NOC3L: variants seen among roughly 807,000 people sequenced by gnomAD.
NOC3L encodes the protein NOC3 like DNA replication regulator.
NOC3L carries 85 observed loss-of-function variants against 102.5 expected under a neutral mutation model. The ratio of observed to expected loss-of-function variants is 0.83; its 90% CI spans 0.70 to 0.99. The LOEUF (loss-of-function observed/expected upper bound fraction) is 0.99. NOC3L is among the 50% of genes least tolerant of loss of function. NOC3L has a pLI of 0.00. For missense variants in NOC3L, 878 were observed against 914.9 expected (o/e 0.96, Z 0.52); for synonymous variants, 303 against 309.4 (o/e 0.98, Z 0.22).
rs74153311 is a variant in NOC3L, at chr10:94,356,425, G to C, written c.565+110C>G. The C allele has an allele frequency of 2.0e-5, 14 of 705,254 alleles. No homozygotes were observed. The South Asian group carries it at 2.3e-4, about 11-fold the overall frequency. The allele number at this position is 705,254 out of a possible 1,614,324, so 43.7% of individuals were successfully genotyped here. The stretch of plus-strand genomic sequence containing the variant: ...AAAATGTTCAAAGTGACCTTGAAAT[G>C]AGCAGTACTCCAAAATGTACCTTCC... On this transcript the variant is annotated intron_variant, in intron 5 of 20. Transcript: ENST00000371361.
intron 13 of NOC3L, among the ~76,000 whole-genome samples, chr10:94,342,640 T>G (rs1459815357): frequency 6.6e-6 from 1 of 150,494 alleles, no homozygotes; most frequent in Non-Finnish European, 1.5e-5. Context: ...GTACAATATA[T>G]CTATAAAATG....
chr10:94,328,493 C>T (rs1173794814), downstream of NOC3L: 1 of 152,172 alleles, frequency 6.6e-6, no homozygotes, highest in East Asian at 1.9e-4. Flanking sequence ...AGGGGCCATA[C>T]AAAAACAGGT....
chr10:94,356,182 T>C (rs770374860), intron 5 of NOC3L, among the ~76,000 whole-genome samples: 3 of 152,196 alleles, frequency 2.0e-5, no homozygotes, highest in Non-Finnish European at 2.9e-5. Flanking sequence ...AATGACTTCA[T>C]ACTACAGAAT....
chr10:94,357,037 A>C, intron 4 of NOC3L, 137 bp downstream of exon 4: 1 of 600,920 alleles, frequency 1.7e-6, no homozygotes, highest in Non-Finnish European at 2.7e-6. Context: ...CCAAATCATC[A>C]AGCTTGCTAT....
the NOC3L span, among the ~76,000 whole-genome samples, chr10:94,322,527 G>A: frequency 6.6e-6 from 1 of 152,156 alleles, no homozygotes; most frequent in Non-Finnish European, 1.5e-5. Flanking sequence ...GTTCACGCCT[G>A]TAATCCCAAC....
chr10:94,337,753 G>C (rs769173753), intron 19 of NOC3L, 24 bp downstream of exon 19: 16 of 1,508,482 alleles, frequency 1.1e-5, no homozygotes, highest in Non-Finnish European at 1.5e-5. Flanking sequence ...TGTAGTTTTA[G>C]AATAAGGCAA....
At chr10:94,321,850 T>C in the NOC3L span, 3 of 1,431,346 alleles carry the variant, frequency 2.1e-6, no homozygotes, top group African/African-American at 4.2e-5. Flanking sequence ...TTGTCTTTCT[T>C]TATTCTGCAT....
In NOC3L at chr10:94,361,783, A is replaced by C. The variant is rs774923558; in HGVS notation, c.99T>G (p.Phe33Leu). 2.5e-6 allele frequency: 4 copies of C among 1,611,264 alleles called. No homozygotes were observed. Among genetic ancestry groups the C allele is most frequent in the Non-Finnish European group, 3.4e-6 (4 of 1,178,316 alleles). ...KLENKLKNKQ[F>L]KQQSTLKKYR... is the part of the protein sequence containing the mutation. ...ACTTCTTGAGAGTGCTTTGTTGTTT[A>C]AACTGCTTATTTTTTAGCTTGTTTT... Residue 33 changes from phenylalanine to leucine, a missense_variant, in exon 2 of 21, where the codon TTT (phenylalanine) becomes TTG (leucine). Transcript: ENST00000371361.
intron 13 of NOC3L, 64 bp downstream of exon 13, chr10:94,344,351 G>A (rs2054319629): frequency 6.5e-6 from 7 of 1,071,954 alleles, no homozygotes; most frequent in South Asian, 3.0e-5. Flanking sequence ...GGGAACTCTC[G>A]AAAATTCTTT....
chr10:94,331,742 T>C (rs1223091081), downstream of NOC3L: 1 of 152,240 alleles, frequency 6.6e-6, no homozygotes, highest in African/African-American at 2.4e-5. Context: ...TTATGTGTTC[T>C]CTGCCATCCT....
Position 94,334,623 on chromosome 10 carries a change from A to G in NOC3L, c.2274+11T>C. 6.3e-7 allele frequency: 1 copy of G among 1,598,682 alleles called. No individual in the cohort carries two copies. On this transcript the variant is annotated intron_variant, in intron 20 of 20. Coordinates refer to ENST00000371361, the MANE Select transcript of NOC3L (RefSeq NM_022451.11). ...ATTTCTTCCTTTAAAAAAATGAAAA[A>G]TATCCCATACCTTTATTTTGGGGTT...
At chr10:94,335,244 G>A (rs1175372251) in intron 19 of NOC3L, among the ~76,000 whole-genome samples, 4 of 152,124 alleles carry the variant, frequency 2.6e-5, no homozygotes, top group Non-Finnish European at 5.9e-5. Context: ...GCCTACGAAG[G>A]TAGCAATTAG....
At chr10:94,353,329 T>C (rs956876775) in intron 6 of NOC3L, among the ~76,000 whole-genome samples, 19 of 152,258 alleles carry the variant, frequency 1.2e-4, no homozygotes, top group Admixed American at 1.2e-3. Flanking sequence ...TGGCTTATAG[T>C]TCTGCAGGCT....
At position 94,350,257 on chromosome 10, in the gene NOC3L, A is replaced by G. The variant is rs142305111; in HGVS notation, c.984T>C (p.Asn328=). 518 of 1,614,162 alleles carry G rather than the reference A, an allele frequency of 3.2e-4. 2 individuals carry two copies. The highest frequency in any genetic ancestry group is 2.3e-3 in the Middle Eastern group (14 of 6,062). The change falls in exon 9 of 21, where the codon AAT becomes AAC. Residue 328 remains asparagine, a synonymous_variant. Transcript: ENST00000371361. ...DWKQRKLKKS[N]VVSLKAYKGL... ...CTTTGTATGCCTTTAAGGAAACTACATTACTTTTCTTCAGCTTCCTCTGCT... is the reference window on the plus strand; with the variant it reads ...CTTTGTATGCCTTTAAGGAAACTACGTTACTTTTCTTCAGCTTCCTCTGCT...
chr10:94,358,151 T>G lies in NOC3L; in HGVS notation c.282A>C (p.Glu94Asp). ...EEALPLDMMD[E>D]DDLQLMKDLG... The stretch of plus-strand genomic sequence containing the variant: ...AATCCTTCATTAACTGTAAGTCATC[T>G]TCATCCATCATATCTAAAGGAAGGG... Residue 94 changes from glutamate (E) to aspartate (D), a missense_variant, in exon 3 of 21, where the codon GAA (glutamate) becomes GAC (aspartate). By Grantham distance (45) the Glu-to-Asp change is conservative (BLOSUM62 2). Coordinates refer to ENST00000371361, the MANE Select transcript of NOC3L (RefSeq NM_022451.11). 6.2e-7 allele frequency: 1 copy of G among 1,611,904 alleles called. No homozygotes were observed. The highest frequency in any genetic ancestry group is 8.5e-7 in the Non-Finnish European group (1 of 1,178,644).
chr10:94,357,464 G>T, intron 3 of NOC3L, 133 bp from the exon 4 acceptor site: 2 of 584,784 alleles, frequency 3.4e-6, no homozygotes, highest in Non-Finnish European at 5.2e-6. Flanking sequence ...ACTTAGGCTA[G>T]TGTCTGGCAC....
chr10:94,345,684 G>A (rs186164007), intron 11 of NOC3L, among the ~76,000 whole-genome samples: 2 of 152,154 alleles, frequency 1.3e-5, no homozygotes, highest in African/African-American at 4.8e-5. Flanking sequence ...ATCTTCTTTT[G>A]TTCACAATTA....
At chr10:94,341,330 G>T (rs1015464409) in intron 14 of NOC3L, among the ~76,000 whole-genome samples, 1 of 151,616 alleles carries the variant, frequency 6.6e-6, no homozygotes, top group East Asian at 1.9e-4. Flanking sequence ...CATATTTAAG[G>T]TGACTGATAT....
Position 94,338,597 on chromosome 10 carries a change from G to A in NOC3L, c.2091+11C>T. 1 of 1,501,050 alleles carries A rather than the reference G, an allele frequency of 6.7e-7. No homozygotes were observed. Among genetic ancestry groups the A allele is most frequent in the Non-Finnish European group, 8.9e-7 (1 of 1,118,702 alleles). 93.0% of individuals were successfully genotyped at this position (1,501,050 alleles called of 1,614,324 possible). A position where few individuals can be genotyped will look rare whatever the true frequency, so the allele number is the denominator to read the frequency against. On this transcript the variant is annotated intron_variant, in intron 18 of 20. Coordinates refer to ENST00000371361, the MANE Select transcript of NOC3L (RefSeq NM_022451.11). ...CATCCCCAAAAAGAAAAAAACCAGG[G>A]CCACTCTTACCCGCAGAGCATGCAG... is the stretch of plus-strand genomic sequence containing the variant.
Sources: allele counts gnomAD v4.1 joint callset (sites outside exome capture counted in the v4.1 genomes callset), GRCh38; gene constraint gnomAD v4.1.1; transcripts MANE v1.5; gene names NCBI Gene and HGNC (gene_info 2026-07-23, HGNC 2026-07-21).